GRIK3: variants seen among roughly 807,000 people sequenced by gnomAD.
GRIK3 encodes the protein glutamate ionotropic receptor kainate type subunit 3, also known as glutamate receptor ionotropic, kainate 3.
Under a neutral mutation model 102.5 loss-of-function variants are expected in GRIK3, and 29 were observed. That is an observed-to-expected ratio of 0.28 (90% CI 0.21 to 0.39). GRIK3 has a LOEUF of 0.39. GRIK3 is among the 10% of genes least tolerant of loss of function. GRIK3 has a pLI of 1.00. For missense variants in GRIK3, 908 were observed against 1,252.4 expected, an observed-to-expected ratio of 0.73 and a Z score of 4.15; for synonymous variants, 511 against 504.9, an observed-to-expected ratio of 1.01 and a Z score of -0.16.
intron 10 of GRIK3, among the ~76,000 whole-genome samples, chr1:36,828,073 G>GGA (rs747069622): frequency 8.0e-6 from 1 of 125,782 alleles, no homozygotes; most frequent in African/African-American, 2.8e-5. Flanking sequence ...AAAGAAAGCA[G>GGA]AAAAAAAAAA....
At position 36,978,380 on chromosome 1, in the gene GRIK3, C is replaced by T. The variant is rs142162315; in HGVS notation, c.115+55614G>A. Reference sequence around the variant, plus strand: ...TGAGTCTTGCCTTCCAGGAGCAGACCTCCACAGGTTTATGGACTCGGCTAG... The same window carrying T: ...TGAGTCTTGCCTTCCAGGAGCAGACTTCCACAGGTTTATGGACTCGGCTAG... On this transcript the variant is annotated intron_variant, in intron 1 of 15. Transcript: ENST00000373091. Among the ~76,000 whole-genome samples, 715 of 152,326 alleles carry T rather than the reference C, an allele frequency of 4.7e-3. 7 individuals are homozygous for T. Among genetic ancestry groups the T allele is most frequent in the African/African-American group, 0.017 (693 of 41,560 alleles).
intron 13 of GRIK3, among the ~76,000 whole-genome samples, chr1:36,808,789 T>C (rs761584176): frequency 5.3e-4 from 81 of 152,220 alleles, no homozygotes; most frequent in Non-Finnish European, 5.3e-4. Context: ...TAATTTGGTA[T>C]GCAGCAATAG....
intron 10 of GRIK3, among the ~76,000 whole-genome samples, chr1:36,826,747 CG>C (rs1157415693): frequency 6.6e-6 from 1 of 150,962 alleles, no homozygotes; most frequent in Non-Finnish European, 1.5e-5. Context: ...GGAGGTGGTG[CG>C]GAGTGGAAAA....
chr1:36,986,559 T>C (rs1003736300), intron 1 of GRIK3, among the ~76,000 whole-genome samples: 5 of 152,212 alleles, frequency 3.3e-5, no homozygotes, highest in African/African-American at 9.7e-5. Context: ...CCCCGGGTTC[T>C]AGGGTCAAAG....
chr1:36,840,382 C>T (rs1342463755), intron 10 of GRIK3, among the ~76,000 whole-genome samples: 1 of 151,814 alleles, frequency 6.6e-6, no homozygotes, highest in Non-Finnish European at 1.5e-5. Context: ...TTATTTAATT[C>T]CCCCAACAAC....
intron 1 of GRIK3, among the ~76,000 whole-genome samples, chr1:36,937,717 T>C (rs1483890107): frequency 2.6e-5 from 4 of 152,180 alleles, no homozygotes; most frequent in African/African-American, 4.8e-5. Context: ...AACGAACTCT[T>C]TGGAAACAGC....
intron 1 of GRIK3, among the ~76,000 whole-genome samples, chr1:36,950,665 T>G (rs909803367): frequency 5.3e-5 from 8 of 152,278 alleles, no homozygotes; most frequent in Non-Finnish European, 8.8e-5. Context: ...CACATCCTGC[T>G]GCACAACTTG....
At chr1:36,808,294 G>A (rs1239192346) in intron 13 of GRIK3, among the ~76,000 whole-genome samples, 1 of 152,164 alleles carries the variant, frequency 6.6e-6, no homozygotes, top group African/African-American at 2.4e-5. Context: ...CTTCTAGATG[G>A]CTCCTACAGA....
intron 1 of GRIK3, among the ~76,000 whole-genome samples, chr1:36,965,435 T>TG (rs778334470): frequency 2.0e-5 from 3 of 152,022 alleles, no homozygotes; most frequent in African/African-American, 7.2e-5. Context: ...TGCCTTTGCG[T>TG]GGGGGAAAAA....
At chr1:36,998,044 C>G (rs906008201) in intron 1 of GRIK3, among the ~76,000 whole-genome samples, 1 of 152,206 alleles carries the variant, frequency 6.6e-6, no homozygotes, top group Non-Finnish European at 1.5e-5. Context: ...TAGCAGCAGG[C>G]ATAGCTGACT....
intron 13 of GRIK3, among the ~76,000 whole-genome samples, chr1:36,810,991 T>C (rs1207066080): frequency 6.6e-6 from 1 of 152,210 alleles, no homozygotes; most frequent in African/African-American, 2.4e-5. Context: ...CACACCAGCT[T>C]GGACTCAAAT....
intron 1 of GRIK3, among the ~76,000 whole-genome samples, chr1:37,033,651 C>T (rs1181188875): frequency 6.6e-6 from 1 of 152,208 alleles, no homozygotes; most frequent in Non-Finnish European, 1.5e-5. Context: ...AGCCCGATCG[C>T]AGAACTCGGT....
chr1:36,823,861 A>G (rs1179619535), intron 11 of GRIK3, among the ~76,000 whole-genome samples: 1 of 152,138 alleles, frequency 6.6e-6, no homozygotes, highest in African/African-American at 2.4e-5. Context: ...TTGAAGCCCA[A>G]CTCTGTCAAA....
At chr1:36,834,498 C>T (rs1284012596) in intron 10 of GRIK3, among the ~76,000 whole-genome samples, 2 of 152,048 alleles carry the variant, frequency 1.3e-5, no homozygotes, top group African/African-American at 2.4e-5. Context: ...CTAGAAAATT[C>T]GTAAGTATCA....
chr1:36,851,638 G>T (rs1570760060), intron 8 of GRIK3, among the ~76,000 whole-genome samples: 1 of 152,250 alleles, frequency 6.6e-6, no homozygotes, highest in Non-Finnish European at 1.5e-5. Context: ...GAGATGTGAG[G>T]CCAGTTAGGA....
chr1:36,846,270 G>A (rs1640518238), intron 9 of GRIK3, among the ~76,000 whole-genome samples: 1 of 152,194 alleles, frequency 6.6e-6, no homozygotes, highest in Non-Finnish European at 1.5e-5. Flanking sequence ...AAGGCTGCCA[G>A]TGGCTCTGAG....
At chr1:37,000,579 C>A (rs1413030498) in intron 1 of GRIK3, among the ~76,000 whole-genome samples, 2 of 152,156 alleles carry the variant, frequency 1.3e-5, no homozygotes, top group African/African-American at 4.8e-5. Flanking sequence ...TTTATGTGGA[C>A]AATTATATCA....
chr1:37,029,888 T>A (rs1642802136), intron 1 of GRIK3, among the ~76,000 whole-genome samples: 1 of 152,164 alleles, frequency 6.6e-6, no homozygotes, highest in South Asian at 2.1e-4. Flanking sequence ...ACTTCTGAGG[T>A]CAGCCATCCT....
chr1:36,819,832 C>G lies in GRIK3; in HGVS notation c.1777G>C (p.Asp593His). The change falls in exon 12 of 16, where the codon GAT (aspartate) becomes CAT (histidine). Residue 593 changes from aspartate to histidine, a missense_variant. By Grantham distance (81) the Asp-to-His change is moderately conservative. Around this residue, in one of 3 missense-constraint regions of GRIK3, gnomAD observed 585 missense variants for 824.9 expected, o/e 0.71. Transcript: ENST00000373091. This position sits in a 1 kb window ranked among gnomAD's most constrained non-coding sequence, Gnocchi z 4.1. ...IARFSPYEWY[D>H]AHPCNPGSEV... ...GAGCCAGGGTTGCAGGGGTGAGCAT[C>G]GTACCACTCATAAGGGCTGAACCTG... 6.3e-7 allele frequency: 1 copy of G among 1,582,792 alleles called. No homozygotes were observed. Among genetic ancestry groups the G allele is most frequent in the Admixed American group, 1.7e-5 (1 of 57,270 alleles).
Sources: gnomAD v4.1 joint callset for allele counts (sites outside exome capture counted in the v4.1 genomes callset) on GRCh38, gnomAD v4.1.1 for gene constraint, gnomAD v4.1.1 regional missense constraint, Gnocchi (gnomAD v3.1) non-coding constraint, MANE v1.5 for transcripts, NCBI Gene and HGNC (gene_info 2026-07-23, HGNC 2026-07-21) for gene names.